DFFB: variants seen among roughly 807,000 people sequenced by gnomAD.
DFFB encodes the protein DNA fragmentation factor subunit beta.
Under a neutral mutation model 32.7 loss-of-function variants are expected in DFFB, and 29 were observed. The observed-to-expected ratio is 0.89, with a 90% confidence interval of 0.66 to 1.21. The LOEUF is 1.21. Ranked by LOEUF, DFFB falls within the 50% of genes most tolerant of loss-of-function variation. DFFB has a pLI of 0.00. For synonymous variants in DFFB, 170 were observed against 177.1 expected, an observed-to-expected ratio of 0.96 and a Z score of 0.32; for missense variants, 398 against 440.6, an observed-to-expected ratio of 0.90 and a Z score of 0.87.
chr1:3,872,281 C>T (rs1338312302), intron 5 of DFFB, among the ~76,000 whole-genome samples, 191 bp from the exon 6 acceptor site: 3 of 152,090 alleles, frequency 2.0e-5, no homozygotes, highest in African/African-American at 7.2e-5. Flanking sequence ...GGCCTGATGG[C>T]GGGCACCTGT....
chr1:3,858,050 C>T (rs1451280017), intron 1 of DFFB, among the ~76,000 whole-genome samples: 3 of 152,208 alleles, frequency 2.0e-5, no homozygotes, highest in Non-Finnish European at 2.9e-5. Flanking sequence ...GCCTCAGCTT[C>T]CCCTTGAGTA....
chr1:3,866,070 C>A, intron 3 of DFFB, 70 bp downstream of exon 3: 3 of 1,323,890 alleles, frequency 2.3e-6, no homozygotes, highest in South Asian at 1.5e-5. Flanking sequence ...AAGTTGGATT[C>A]CAAAAAGCCC....
Position 3,858,882 on chromosome 1 carries a change from GCA to G in DFFB, c.241+40_241+41del, listed in dbSNP as rs773682270. 55 of 1,607,552 alleles carry G rather than the reference GCA, an allele frequency of 3.4e-5. No homozygotes were observed. In the South Asian group the frequency reaches 5.7e-4, roughly 17 times the overall value. On this transcript the variant is annotated intron_variant, in intron 2 of 6. Transcript: ENST00000378209. ...GACTTTGGAGGTGGGCGGGAAGCTGGCACTCTCCGAGGTCCTGGGGGCTTAGC... is the reference window on the plus strand; with the variant it reads ...GACTTTGGAGGTGGGCGGGAAGCTGGCTCTCCGAGGTCCTGGGGGCTTAGC...
chr1:3,862,154 T>G (rs1441866412), intron 2 of DFFB, among the ~76,000 whole-genome samples: 3 of 152,192 alleles, frequency 2.0e-5, no homozygotes, highest in Non-Finnish European at 4.4e-5. Context: ...AGGATAAGTG[T>G]AACAAAAAAT....
intron 6 of DFFB, among the ~76,000 whole-genome samples, chr1:3,877,828 C>T (rs558369361): frequency 6.6e-6 from 1 of 152,200 alleles, no homozygotes; most frequent in East Asian, 1.9e-4. Context: ...ACCTCAGTTC[C>T]ACTGTGCCGG....
At chr1:3,874,955 C>T (rs527624709) in intron 6 of DFFB, among the ~76,000 whole-genome samples, 7 of 151,306 alleles carry the variant, frequency 4.6e-5, no homozygotes, top group East Asian at 3.9e-4. Flanking sequence ...ACATACGTGG[C>T]GGCCCACGTT....
Position 3,865,537 on chromosome 1 carries a change from C to T in DFFB, c.242-275C>T, listed in dbSNP as rs1173777317. 7 of 575,550 alleles carry T rather than the reference C, an allele frequency of 1.2e-5. No individual in the cohort carries two copies. Among genetic ancestry groups the T allele is most frequent in the Non-Finnish European group, 1.9e-5 (6 of 319,748 alleles). The allele number at this position is 575,550 out of a possible 1,614,324, so 35.7% of individuals were successfully genotyped here. ...GGCGTATGGTTTGGAGGGGAGGAGG[C>T]CAAATGGGAAAGCGGCCGTCTCTTG... is the stretch of plus-strand genomic sequence containing the variant. On this transcript the variant is annotated intron_variant, in intron 2 of 6. Transcript: ENST00000378209. This position sits in a 1 kb window ranked among gnomAD's most constrained non-coding sequence, Gnocchi z 4.7.
chr1:3,870,372 G>T (rs1645087177), intron 5 of DFFB, among the ~76,000 whole-genome samples: 2 of 152,214 alleles, frequency 1.3e-5, no homozygotes, highest in African/African-American at 2.4e-5. Context: ...GGGTCCAGCA[G>T]CAGGGGCCAG....
chr1:3,864,586 G>A (rs969956640), intron 2 of DFFB, among the ~76,000 whole-genome samples: 1 of 151,944 alleles, frequency 6.6e-6, no homozygotes, highest in Admixed American at 6.6e-5. Flanking sequence ...GGAGTGCAGT[G>A]GCAATCATGG....
At chr1:3,880,020 C>T (rs972646420) in intron 6 of DFFB, among the ~76,000 whole-genome samples, 1 of 152,342 alleles carries the variant, frequency 6.6e-6, no homozygotes, top group South Asian at 2.1e-4. Flanking sequence ...CTTCAAATGT[C>T]CTGCCTGGTA....
intron 3 of DFFB, among the ~76,000 whole-genome samples, chr1:3,867,140 C>A (rs1429339360): frequency 6.6e-6 from 1 of 152,244 alleles, no homozygotes; most frequent in Non-Finnish European, 1.5e-5. Context: ...TCGTGATCCG[C>A]CCGCCTCGGC....
rs371113792 is a variant in DFFB at position 3,874,459 on chromosome 1, C to T, written c.782+1887C>T. ...CGTGTAGCTGCACCTTTACCACACGCGTGTGGGTTTAACATGCACATACGT... is the reference window on the plus strand; with the variant it reads ...CGTGTAGCTGCACCTTTACCACACGTGTGTGGGTTTAACATGCACATACGT... On this transcript the variant is annotated intron_variant, in intron 6 of 6. Transcript: ENST00000378209. 2.8e-4 allele frequency among the ~76,000 whole-genome samples: 13 copies of T among 45,620 alleles called. No homozygotes were observed. The South Asian group carries it at 9.3e-3, about 33-fold the overall frequency. 29.9% of individuals were successfully genotyped at this position (45,620 alleles called of 152,430 possible).
chr1:3,874,145 C>T (rs565556280), intron 6 of DFFB, among the ~76,000 whole-genome samples: 80 of 151,166 alleles, frequency 5.3e-4, no homozygotes, highest in African/African-American at 1.8e-3. Flanking sequence ...CTTTACCACA[C>T]GCGTGTGAGT....
rs920299916 is a variant in DFFB at position 3,869,623 on chromosome 1, A to G, written c.529A>G (p.Thr177Ala). Reference sequence around the variant, plus strand: ...CCTCCAGGTGAGCTCCTACCCCTCCACGGTGGGTGCGGAGGCTCAGGAGGA... The same window carrying G: ...CCTCCAGGTGAGCTCCTACCCCTCCGCGGTGGGTGCGGAGGCTCAGGAGGA... Reference protein sequence around the residue: ...YLREVSSYPSTVGAEAQEEFL... With the variant: ...YLREVSSYPSAVGAEAQEEFL... Residue 177 changes from threonine to alanine, a missense_variant, in exon 5 of 7, where the codon ACG becomes GCG. By Grantham distance (58) the Thr-to-Ala change is moderately conservative (BLOSUM62 0). Coordinates refer to ENST00000378209, the MANE Select transcript of DFFB (RefSeq NM_004402.4). 1.9e-5 allele frequency: 30 copies of G among 1,612,194 alleles called. No individual in the cohort carries two copies. The highest frequency in any genetic ancestry group is 4.5e-5 in the East Asian group (2 of 44,832).
Position 3,883,805 on chromosome 1 carries a change from CTTTTTTGT to C in DFFB, c.*77_*84del, listed in dbSNP as rs1454675195. ...ACGTGGGCATCATTTTAACAGGTGC[CTTTTTTGT>C]TTTTTTGTTTTTCGTTTTTTTGGTC... On this transcript the variant is annotated 3_prime_UTR_variant, in exon 7 of 7. Transcript: ENST00000378209. 2.0e-6 allele frequency: 3 copies of C among 1,471,556 alleles called. No homozygotes were observed. The highest frequency in any genetic ancestry group is 1.4e-5 in the African/African-American group (1 of 70,428). The allele number at this position is 1,471,556 out of a possible 1,614,324, so 91.2% of individuals were successfully genotyped here.
chr1:3,872,939 G>T, intron 6 of DFFB: 1 of 1,222,762 alleles, frequency 8.2e-7, no homozygotes, highest in African/African-American at 1.6e-5. Flanking sequence ...GTTTGAACCA[G>T]GGTGAGCTCA....
intron 6 of DFFB, chr1:3,872,964 C>T: frequency 8.0e-7 from 1 of 1,244,010 alleles, no homozygotes; most frequent in Admixed American, 2.7e-5. Flanking sequence ...GCGGGAGCTC[C>T]TGGTGTTATG....
chr1:3,872,141 C>T (rs892953152), intron 5 of DFFB, among the ~76,000 whole-genome samples: 4 of 152,172 alleles, frequency 2.6e-5, no homozygotes, highest in South Asian at 2.1e-4. Flanking sequence ...TGGCCGGGCG[C>T]GGTGGCTCAA....
chr1:3,872,411 CAAGAA>C, intron 5 of DFFB, 56 bp from the exon 6 acceptor site: 3 of 1,305,378 alleles, frequency 2.3e-6, no homozygotes, highest in Admixed American at 1.9e-5. Context: ...GGCGCTGTCT[CAAGAA>C]AAAAAAAAAA....
Sources: allele counts gnomAD v4.1 joint callset (sites outside exome capture counted in the v4.1 genomes callset), GRCh38; gene constraint gnomAD v4.1.1; non-coding constraint Gnocchi (gnomAD v3.1); transcripts MANE v1.5; gene names NCBI Gene and HGNC (gene_info 2026-07-23, HGNC 2026-07-21).